The following TTC8 variants were observed in gnomAD, a reference collection of about 807,000 sequenced individuals.
The protein encoded by TTC8 is tetratricopeptide repeat protein 8.
In TTC8, 47 loss-of-function variants were observed where a neutral mutation model predicts 72.5. The observed-to-expected ratio is 0.65, with a 90% CI of 0.51 to 0.83. The LOEUF is 0.83. TTC8 is among the 40% of genes least tolerant of loss of function. The pLI is 0.00. For missense variants in TTC8, 611 were observed against 623.2 expected (o/e 0.98, Z 0.21); for synonymous variants, 199 against 221.4 (o/e 0.90, Z 0.90).
chr14:88,854,270 A>G (rs565349045), intron 8 of TTC8, among the ~76,000 whole-genome samples: 70 of 152,352 alleles, frequency 4.6e-4, no homozygotes, highest in African/African-American at 1.6e-3. Context: ...CCATCCATAT[A>G]CGATGGCATT....
intron 7 of TTC8, among the ~76,000 whole-genome samples, chr14:88,844,620 C>CT (rs1429442771): frequency 6.6e-6 from 1 of 152,046 alleles, no homozygotes; most frequent in Admixed American, 6.6e-5. Flanking sequence ...TCACGGCTCA[C>CT]TGTAGCCTTG....
At chr14:88,825,221 CA>C (rs2094693816) in intron 1 of TTC8, among the ~76,000 whole-genome samples, 1 of 152,200 alleles carries the variant, frequency 6.6e-6, no homozygotes, top group African/African-American at 2.4e-5. Flanking sequence ...TGTGACTCTC[CA>C]CCTCCTGTTA....
intron 1 of TTC8, among the ~76,000 whole-genome samples, chr14:88,828,598 G>A (rs748614883): frequency 4.6e-5 from 7 of 152,116 alleles, no homozygotes; most frequent in Admixed American, 2.0e-4. Context: ...TTGCTCTTAC[G>A]TTTTCCCCTC....
chr14:88,853,817 G>A (rs2094844394), intron 8 of TTC8, among the ~76,000 whole-genome samples: 1 of 152,138 alleles, frequency 6.6e-6, no homozygotes, highest in Admixed American at 6.6e-5. Context: ...TCTGAAACTT[G>A]TTGCTGATAT....
chr14:88,868,686 C>T (rs1739735426), intron 10 of TTC8, among the ~76,000 whole-genome samples: 1 of 152,084 alleles, frequency 6.6e-6, no homozygotes, highest in South Asian at 2.1e-4. Flanking sequence ...TTGTCATAGT[C>T]TGTTTATATG....
At chr14:88,836,527 C>T (rs2094752114) in intron 2 of TTC8, among the ~76,000 whole-genome samples, 1 of 149,580 alleles carries the variant, frequency 6.7e-6, no homozygotes, top group Non-Finnish European at 1.5e-5. Flanking sequence ...TTGACTTTGA[C>T]TTCGGAAGTA....
chr14:88,855,913 T>G (rs1032690277), intron 8 of TTC8, among the ~76,000 whole-genome samples: 2 of 152,124 alleles, frequency 1.3e-5, no homozygotes, highest in African/African-American at 4.8e-5. Flanking sequence ...AGATCCTGTC[T>G]TTACCGAAAC....
At position 88,841,183 on chromosome 14, in the gene TTC8, T is replaced by G; in HGVS notation, c.476T>G (p.Val159Gly). The change falls in exon 5 of 15, where the codon GTC becomes GGC. Residue 159 changes from valine (V) to glycine (G), a missense_variant. By Grantham distance (109) the Val-to-Gly change is moderately radical. Transcript: ENST00000380656. ...RPITSSSGRFVRLGTASMLTS... is the reference protein window; with the variant it reads ...RPITSSSGRFGRLGTASMLTS... ...ATCACCAGCTCCTCCGGAAGATTTG[T>G]CAGGCTGGGAACGGTAAATTCTATC... 6.2e-7 allele frequency: 1 copy of G among 1,614,034 alleles called. No individual in the cohort carries two copies.
intron 14 of TTC8, 51 bp from the exon 15 acceptor site, chr14:88,877,243 C>A (rs926870368): frequency 7.3e-7 from 1 of 1,365,828 alleles, no homozygotes; most frequent in Admixed American, 1.7e-5. Context: ...TACTTCCTTA[C>A]TCATTTTTTT....
intron 14 of TTC8, among the ~76,000 whole-genome samples, chr14:88,875,408 A>G (rs1470502606): frequency 6.6e-6 from 1 of 152,166 alleles, no homozygotes; most frequent in East Asian, 1.9e-4. Flanking sequence ...GGTTTGGGAA[A>G]TGTTTAGTTA....
chr14:88,848,578 G>T (rs932849344), intron 7 of TTC8, among the ~76,000 whole-genome samples: 1 of 152,136 alleles, frequency 6.6e-6, no homozygotes, highest in African/African-American at 2.4e-5. Flanking sequence ...AATAGGGAAT[G>T]AGTTTGGTAA....
chr14:88,855,809 G>A (rs377334852), intron 8 of TTC8, among the ~76,000 whole-genome samples: 10 of 152,084 alleles, frequency 6.6e-5, no homozygotes, highest in Admixed American at 1.3e-4. Flanking sequence ...GGCCAGGTGC[G>A]GTGGCTCATG....
chr14:88,834,957 C>G (rs1566832898), intron 2 of TTC8, among the ~76,000 whole-genome samples: 1 of 152,164 alleles, frequency 6.6e-6, no homozygotes, highest in Non-Finnish European at 1.5e-5. Context: ...GATAATGATA[C>G]AAAAGGGAAC....
At chr14:88,825,727 A>G (rs1287172055) in intron 1 of TTC8, among the ~76,000 whole-genome samples, 1 of 152,196 alleles carries the variant, frequency 6.6e-6, no homozygotes, top group Non-Finnish European at 1.5e-5. Flanking sequence ...GAAAAAATGG[A>G]AAATTGAAGG....
chr14:88,843,658 G>T, intron 6 of TTC8, 148 bp from the exon 7 acceptor site: 1 of 567,382 alleles, frequency 1.8e-6, no homozygotes, highest in Non-Finnish European at 3.1e-6. Context: ...ACCAGAATCA[G>T]TTATAAATAG....
intron 1 of TTC8, among the ~76,000 whole-genome samples, chr14:88,830,298 G>T (rs1345340406): frequency 1.3e-5 from 2 of 152,098 alleles, no homozygotes; most frequent in Non-Finnish European, 2.9e-5. Flanking sequence ...GATGCTAATG[G>T]GTATTTTCTG....
chr14:88,837,073 GAATA>G (rs776182612), intron 2 of TTC8: 18 of 260,634 alleles, frequency 6.9e-5, no homozygotes, highest in South Asian at 1.3e-4. Context: ...AAAAGTAAAT[GAATA>G]AATAAATAAA....
rs114064158 is a variant in TTC8 at position 88,875,079 on chromosome 14, G to A, written c.1401G>A (p.Pro467=). Residue 467 remains proline (P), a synonymous_variant, in exon 14 of 15, where the codon CCG becomes CCA. Transcript: ENST00000380656. ...ASSLAPHMYE[P]HFNFATISDK... is the part of the protein sequence containing the mutation. The stretch of plus-strand genomic sequence containing the variant: ...CATTAGCACCCCATATGTATGAACC[G>A]CATTTTAATTTTGCAACAATCTCTG... The A allele has an allele frequency of 6.0e-4, 966 of 1,612,240 alleles. 3 individuals are homozygous for A. The African/African-American group carries it at 0.01, about 17-fold the overall frequency.
intron 10 of TTC8, among the ~76,000 whole-genome samples, chr14:88,866,494 C>T (rs1035154930): frequency 1.3e-5 from 2 of 151,740 alleles, no homozygotes; most frequent in Non-Finnish European, 2.9e-5. Flanking sequence ...GTGGCTTTTC[C>T]TTAGGCTCTT....
Sources: allele counts gnomAD v4.1 joint callset (sites outside exome capture counted in the v4.1 genomes callset), GRCh38; gene constraint gnomAD v4.1.1; transcripts MANE v1.5; gene names NCBI Gene and HGNC (gene_info 2026-07-23, HGNC 2026-07-21).